Variants in CDH26 observed in about 807,000 individuals in gnomAD.
The protein encoded by CDH26 is cadherin 26, also known as cadherin-like protein 26.
In CDH26, 83 loss-of-function variants were observed where a neutral mutation model predicts 90.3. That is an observed-to-expected ratio of 0.92 (90% CI 0.77 to 1.10). The LOEUF (loss-of-function observed/expected upper bound fraction) is 1.10, where lower values mean the gene tolerates loss of function less well. CDH26 is among the 50% of genes least tolerant of loss of function. CDH26 has a pLI of 0.00. For missense variants in CDH26, 1,013 were observed against 1,037.6 expected (o/e 0.98, Z 0.33); for synonymous variants, 397 against 396.3 (o/e 1.00, Z -0.02).
At chr20:59,962,593 A>G (rs1220434708) in intron 1 of CDH26, among the ~76,000 whole-genome samples, 3 of 152,198 alleles carry the variant, frequency 2.0e-5, no homozygotes, top group Non-Finnish European at 2.9e-5. Flanking sequence ...TCAGTTAAGA[A>G]TTACATCTGC....
rs1330250693 is a variant in CDH26, at chr20:60,001,426, G to A, written c.2166+15G>A. The A allele has an allele frequency of 6.2e-7, 1 of 1,612,960 alleles. No homozygotes were observed. On this transcript the variant is annotated intron_variant, in intron 15 of 17. Coordinates refer to ENST00000348616, the MANE Select transcript of CDH26 (RefSeq NM_177980.4). Reference sequence around the variant, plus strand: ...TGGGGAGCTGGGTGAGTTCCAGAAGGTTGCTCCCTGCTACGGCCATCTCAC... The same window carrying A: ...TGGGGAGCTGGGTGAGTTCCAGAAGATTGCTCCCTGCTACGGCCATCTCAC...
intron 17 of CDH26, among the ~76,000 whole-genome samples, chr20:60,010,212 C>T (rs982936851): frequency 2.6e-5 from 4 of 152,124 alleles, no homozygotes; most frequent in Non-Finnish European, 5.9e-5. Flanking sequence ...TAGTTAAGAG[C>T]TTGGAAGCCC....
rs530621474 is a variant in CDH26 at position 59,973,544 on chromosome 20, C to T, written c.393+1421C>T. 7.0e-4 allele frequency among the ~76,000 whole-genome samples: 106 copies of T among 152,202 alleles called. 1 individual carries two copies. The highest frequency in any genetic ancestry group is 9.2e-4 in the Admixed American group (14 of 15,294). ...GTTAGTTTTCCTGATCCTCTCCCTC[C>T]TCCCACCCTTCACCCTCTGAGAGAC... On this transcript the variant is annotated intron_variant, in intron 4 of 17. Coordinates refer to ENST00000348616, the MANE Select transcript of CDH26 (RefSeq NM_177980.4).
intron 7 of CDH26, among the ~76,000 whole-genome samples, chr20:60,027,636 G>A (rs144873383): frequency 2.9e-3 from 444 of 152,112 alleles, no homozygotes; most frequent in Non-Finnish European, 4.7e-3. Flanking sequence ...GAGTTTTGAC[G>A]AACGCACTCA....
At position 59,992,457 on chromosome 20, in the gene CDH26, G is replaced by A. The variant is rs755851860; in HGVS notation, c.1363G>A (p.Asp455Asn). Reference sequence around the variant, plus strand: ...AGTGGTCATCACCGTGGAGCCAATTGACCGAGAATCCCCTCATGTAAATAA... The same window carrying A: ...AGTGGTCATCACCGTGGAGCCAATTAACCGAGAATCCCCTCATGTAAATAA... ...SGVVITVEPI[D>N]RESPHVNNSF... Residue 455 changes from aspartate to asparagine, a missense_variant, in exon 10 of 18, where the codon GAC becomes AAC. Coordinates refer to ENST00000348616, the MANE Select transcript of CDH26 (RefSeq NM_177980.4). The surrounding 1 kb of genome is among the most constrained non-coding windows in gnomAD (Gnocchi z 5.0). The A allele has an allele frequency of 1.9e-6, 3 of 1,613,964 alleles. No individual in the cohort carries two copies. Among genetic ancestry groups the A allele is most frequent in the Non-Finnish European group, 2.5e-6 (3 of 1,180,026 alleles).
chr20:59,972,608 T>C (rs194984), intron 4 of CDH26, among the ~76,000 whole-genome samples: 3,458 of 152,240 alleles, frequency 0.023, 146 homozygotes, highest in African/African-American at 0.079. Flanking sequence ...TACTATGAAG[T>C]TGAAATTCAG....
intron 15 of CDH26, among the ~76,000 whole-genome samples, chr20:60,002,069 A>T (rs1414381504): frequency 6.6e-6 from 1 of 152,184 alleles, no homozygotes; most frequent in Non-Finnish European, 1.5e-5. Context: ...TTATTTAACC[A>T]AAATGTACTT....
At chr20:60,027,948 G>A (rs913191020) in intron 7 of CDH26, among the ~76,000 whole-genome samples, 3 of 152,228 alleles carry the variant, frequency 2.0e-5, no homozygotes, top group East Asian at 3.9e-4. Flanking sequence ...CCCTTCACTC[G>A]GTTTTCTCTC....
chr20:59,977,220 C>T (rs931868728), intron 4 of CDH26, among the ~76,000 whole-genome samples: 10 of 152,226 alleles, frequency 6.6e-5, no homozygotes, highest in Admixed American at 4.6e-4. Context: ...CAGGCTTCTG[C>T]AATAAACCTT....
intron 10 of CDH26, 66 bp from the exon 11 acceptor site, chr20:59,994,184 G>A: frequency 6.3e-7 from 1 of 1,587,036 alleles, no homozygotes; most frequent in Non-Finnish European, 8.6e-7. Flanking sequence ...GAGACGGAGA[G>A]TGCTCATTCT....
At chr20:60,015,881 A>G (rs901106308), downstream of CDH26, among the ~76,000 whole-genome samples, 6 of 152,190 alleles carry the variant, frequency 3.9e-5, no homozygotes, top group African/African-American at 9.7e-5. Flanking sequence ...TGGAAAGACT[A>G]TCTTTTCCTC....
intron 4 of CDH26, among the ~76,000 whole-genome samples, chr20:59,978,143 C>A (rs963395344): frequency 2.0e-5 from 3 of 152,150 alleles, no homozygotes; most frequent in African/African-American, 4.8e-5. Context: ...TATTCACCTA[C>A]TGAGAAACAT....
intron 1 of CDH26, among the ~76,000 whole-genome samples, chr20:59,967,893 CTTCCTTCCTTCCTTCCTTTCCTTTCCT>C (rs1387374269): frequency 3.2e-5 from 4 of 125,714 alleles, no homozygotes; most frequent in African/African-American, 1.1e-4. Context: ...TCCTTCCTTC[CTTCCTTCCTTCCTTCCTTTCCTTTCCT>C]TTCCTTTCCT....
intron 7 of CDH26, 72 bp downstream of exon 7, chr20:59,985,201 C>T: frequency 1.9e-6 from 3 of 1,569,702 alleles, no homozygotes; most frequent in Non-Finnish European, 2.6e-6. Flanking sequence ...CTCAGTTTTT[C>T]TCAGAGAGGG....
At chr20:60,026,521 G>C (rs1027397585) in intron 7 of CDH26, among the ~76,000 whole-genome samples, 1 of 152,140 alleles carries the variant, frequency 6.6e-6, no homozygotes, top group African/African-American at 2.4e-5. Context: ...GGCTTTGAAG[G>C]GGGCCACAAG....
At chr20:60,010,953 A>G (rs2061829340) in intron 17 of CDH26, among the ~76,000 whole-genome samples, 1 of 152,166 alleles carries the variant, frequency 6.6e-6, no homozygotes, top group Admixed American at 6.5e-5. Flanking sequence ...GGAGGCTTTC[A>G]TGGCCAGGTA....
At chr20:59,970,021 A>T (rs1022322517) in intron 2 of CDH26, 61 bp from the exon 3 acceptor site, 1 of 1,576,380 alleles carries the variant, frequency 6.3e-7, no homozygotes, top group African/African-American at 1.4e-5. Context: ...AGGGTGTGAT[A>T]AATCCTGGCT....
chr20:60,022,116 C>T (rs1214885199), intron 7 of CDH26, among the ~76,000 whole-genome samples: 1 of 151,890 alleles, frequency 6.6e-6, no homozygotes, highest in Non-Finnish European at 1.5e-5. Flanking sequence ...TGGTCCTCCT[C>T]CCAAGTTCAT....
downstream of CDH26, among the ~76,000 whole-genome samples, chr20:60,017,241 G>T (rs2061912879): frequency 6.6e-6 from 1 of 151,978 alleles, no homozygotes; most frequent in African/African-American, 2.4e-5. Flanking sequence ...ATCCGGCCCT[G>T]AACTTTCTTT....
Sources: allele counts gnomAD v4.1 joint callset (sites outside exome capture counted in the v4.1 genomes callset), GRCh38; gene constraint gnomAD v4.1.1; non-coding constraint Gnocchi (gnomAD v3.1); transcripts MANE v1.5; gene names NCBI Gene and HGNC (gene_info 2026-07-23, HGNC 2026-07-21).